PALM2AKAP2: variants seen among roughly 807,000 people sequenced by gnomAD.
The protein encoded by PALM2AKAP2 is PALM2-AKAP2 fusion protein.
PALM2AKAP2 carries 37 observed loss-of-function variants against 71.5 expected under a neutral mutation model. That is an observed-to-expected ratio of 0.52 (90% confidence interval 0.40 to 0.68). PALM2AKAP2 has a LOEUF of 0.68. Ranked by LOEUF, PALM2AKAP2 falls within the 30% of genes least tolerant of loss-of-function variation. The pLI, the probability that PALM2AKAP2 is intolerant of heterozygous loss-of-function variation, is 0.00. For synonymous variants in PALM2AKAP2, 468 were observed against 478.8 expected (o/e 0.98, Z 0.29); for missense variants, 1,224 against 1,191.8 (o/e 1.03, Z -0.40).
At chr9:109,742,261 A>T (rs1828727101) in intron 1 of PALM2AKAP2, among the ~76,000 whole-genome samples, 2 of 12,798 alleles carry the variant, frequency 1.6e-4, no homozygotes, top group African/African-American at 2.3e-3. Flanking sequence ...TCACACACAC[A>T]CACACACACA....
chr9:109,926,624 T>C (rs181521877), intron 5 of PALM2AKAP2, among the ~76,000 whole-genome samples: 2 of 152,284 alleles, frequency 1.3e-5, no homozygotes, highest in Non-Finnish European at 2.9e-5. Flanking sequence ...CAGGCTGGGA[T>C]GAAGTGTGGG....
At chr9:109,763,966 A>G (rs1225565961) in intron 1 of PALM2AKAP2, among the ~76,000 whole-genome samples, 1 of 152,112 alleles carries the variant, frequency 6.6e-6, no homozygotes, top group Non-Finnish European at 1.5e-5. Context: ...CCTTAACTAA[A>G]TTACTTCTGC....
chr9:109,783,548 C>T (rs1007465813), intron 1 of PALM2AKAP2, among the ~76,000 whole-genome samples: 3 of 152,184 alleles, frequency 2.0e-5, no homozygotes, highest in Admixed American at 1.3e-4. Flanking sequence ...ATCCTCCCAC[C>T]TCTGCCTCCC....
intron 1 of PALM2AKAP2, among the ~76,000 whole-genome samples, chr9:109,854,100 C>A (rs1227747461): frequency 6.6e-6 from 1 of 152,182 alleles, no homozygotes; most frequent in Non-Finnish European, 1.5e-5. Context: ...TACGTCTTTA[C>A]TAGAAATTTG....
chr9:110,120,744 A>G (rs1009738605), intron 1 of PALM2AKAP2, among the ~76,000 whole-genome samples: 4 of 152,146 alleles, frequency 2.6e-5, no homozygotes, highest in African/African-American at 9.7e-5. Context: ...ACCTCAGGTG[A>G]TTTGCCTGGC....
intron 1 of PALM2AKAP2, among the ~76,000 whole-genome samples, chr9:110,123,671 C>A (rs1835537388): frequency 6.6e-6 from 1 of 152,138 alleles, no homozygotes; most frequent in African/African-American, 2.4e-5. Context: ...CAAACCTACT[C>A]CTTGGAAAAT....
chr9:110,144,106 G>T (rs1015755731), intron 2 of PALM2AKAP2, among the ~76,000 whole-genome samples: 18 of 152,246 alleles, frequency 1.2e-4, no homozygotes, highest in South Asian at 6.2e-4. Context: ...GAGCTTGGTG[G>T]AGTGTGCCAT....
chr9:109,928,372 A>G (rs7029855), intron 5 of PALM2AKAP2, among the ~76,000 whole-genome samples: 20,451 of 152,200 alleles, frequency 0.13, 2,538 homozygotes, highest in East Asian at 0.43. Context: ...AGAACTAAGA[A>G]GCAGCACTCA....
chr9:109,946,636 T>C (rs1472054562), intron 6 of PALM2AKAP2: 1 of 129,050 alleles, frequency 7.7e-6, no homozygotes, highest in Non-Finnish European at 1.5e-5. Flanking sequence ...GGGGTTGCAA[T>C]GAGCCGAGAT....
chr9:110,125,575 T>C, intron 1 of PALM2AKAP2: 1 of 985,490 alleles, frequency 1.0e-6, no homozygotes. Flanking sequence ...TGAGGAGGTT[T>C]GAGGCGCGCG....
intron 7 of PALM2AKAP2, among the ~76,000 whole-genome samples, chr9:110,042,840 A>G (rs1833531523): frequency 6.6e-6 from 1 of 152,154 alleles, no homozygotes; most frequent in Non-Finnish European, 1.5e-5. Flanking sequence ...GTAATGTATA[A>G]ATAATTACAT....
At chr9:110,061,536 T>C (rs1833964961) in intron 1 of PALM2AKAP2, among the ~76,000 whole-genome samples, 1 of 151,596 alleles carries the variant, frequency 6.6e-6, no homozygotes, top group Non-Finnish European at 1.5e-5. Flanking sequence ...AGTCAGGCCC[T>C]ATTTCCAGTG....
chr9:109,846,221 CA>C (rs1828850823), intron 1 of PALM2AKAP2, among the ~76,000 whole-genome samples: 1 of 152,218 alleles, frequency 6.6e-6, no homozygotes, highest in Non-Finnish European at 1.5e-5. Context: ...GGTAGAGTAG[CA>C]AAGGAGAAAT....
At chr9:109,898,683 T>G (rs1375246886) in intron 3 of PALM2AKAP2, among the ~76,000 whole-genome samples, 1 of 152,242 alleles carries the variant, frequency 6.6e-6, no homozygotes, top group Non-Finnish European at 1.5e-5. Flanking sequence ...GAACAGCCAT[T>G]TGTTAAAAAA....
chr9:109,970,101 C>T (rs1242614569), intron 6 of PALM2AKAP2, among the ~76,000 whole-genome samples: 1 of 152,134 alleles, frequency 6.6e-6, no homozygotes, highest in African/African-American at 2.4e-5. Flanking sequence ...ACTTGAACTC[C>T]CTGAGAACAA....
intron 3 of PALM2AKAP2, among the ~76,000 whole-genome samples, chr9:109,903,245 C>T (rs754514478): frequency 2.0e-5 from 3 of 152,004 alleles, no homozygotes; most frequent in Non-Finnish European, 4.4e-5. Context: ...AGCCATGAGC[C>T]TTGGGGTTCA....
chr9:110,170,148 A>G (rs1376859402), exon 4 of PALM2AKAP2: 1 of 152,464 alleles, frequency 6.6e-6, no homozygotes, highest in Non-Finnish European at 1.5e-5. Context: ...TGATAAGGGT[A>G]TTCAATAATT....
intron 1 of PALM2AKAP2, among the ~76,000 whole-genome samples, chr9:109,706,435 A>C (rs1828145915): frequency 6.6e-6 from 1 of 152,218 alleles, no homozygotes; most frequent in Non-Finnish European, 1.5e-5. Flanking sequence ...AGAGAAACCC[A>C]AATACTCATA....
chr9:110,111,086 C>CTTTTTTTTTTTTTTTTT (rs34958946), intron 1 of PALM2AKAP2, among the ~76,000 whole-genome samples: 29 of 84,188 alleles, frequency 3.4e-4, no homozygotes, highest in African/African-American at 7.4e-4. Context: ...TTTCTTTCTT[C>CTTTTTTTTTTTTTTTTT]TTTTTTTTTT....
Sources: allele counts gnomAD v4.1 joint callset (sites outside exome capture counted in the v4.1 genomes callset), GRCh38; gene constraint gnomAD v4.1.1; transcripts MANE v1.5; gene names NCBI Gene and HGNC (gene_info 2026-07-23, HGNC 2026-07-21).